MTERF4: variants seen among roughly 807,000 people sequenced by gnomAD.
MTERF4 encodes the protein transcription termination factor 4, mitochondrial.
In MTERF4, 17 loss-of-function variants were observed where a neutral mutation model predicts 22.5. The observed-to-expected ratio is 0.75, with a 90% CI of 0.52 to 1.13. MTERF4 has a LOEUF of 1.13. Ranked by LOEUF, MTERF4 falls within the 50% of genes most tolerant of loss-of-function variation. MTERF4 has a pLI of 0.00. For missense variants in MTERF4, 420 were observed against 466.8 expected (o/e 0.90, Z 0.92); for synonymous variants, 165 against 175.3 (o/e 0.94, Z 0.47).
chr2:241,071,939 C>T, downstream of MTERF4: 1 of 1,337,882 alleles, frequency 7.5e-7, no homozygotes, highest in Non-Finnish European at 1.1e-6. Context: ...CTGCCACTCT[C>T]ACCAGGTCCT....
intron 3 of MTERF4, chr2:241,097,004 A>C: frequency 1.7e-6 from 1 of 596,464 alleles, no homozygotes; most frequent in Middle Eastern, 4.3e-4. Flanking sequence ...AAAGAAATTA[A>C]AGATTTCTCT....
chr2:241,069,009 C>T (rs776683595), downstream of MTERF4: 171 of 1,551,408 alleles, frequency 1.1e-4, no homozygotes, highest in Middle Eastern at 3.3e-4. The surrounding 1 kb of genome is among the most constrained non-coding windows in gnomAD (Gnocchi z 4.9). Flanking sequence ...ACCGCGCCGA[C>T]GCACGTGTGG....
chr2:241,082,379 G>A, downstream of MTERF4: 1 of 1,598,494 alleles, frequency 6.3e-7, no homozygotes, highest in Non-Finnish European at 8.6e-7. Context: ...GTTGGTTTCT[G>A]TCCTCCGCCT....
chr2:241,079,062 C>T (rs1478102205), intron 4 of MTERF4, among the ~76,000 whole-genome samples: 13 of 142,616 alleles, frequency 9.1e-5, no homozygotes, highest in Middle Eastern at 3.8e-3. Flanking sequence ...TGCAGCGAGC[C>T]GAGATCGCAC....
At chr2:241,100,296 G>C (rs573695853) in intron 1 of MTERF4, among the ~76,000 whole-genome samples, 1 of 152,100 alleles carries the variant, frequency 6.6e-6, no homozygotes, top group African/African-American at 2.4e-5. Flanking sequence ...GTTGGCCCTT[G>C]AACAACAAGG....
chr2:241,053,394 G>A, the MTERF4 span: 2 of 1,465,344 alleles, frequency 1.4e-6, no homozygotes, highest in East Asian at 2.3e-5. Flanking sequence ...CCATGTGGAG[G>A]AGCACAGGGG....
At chr2:241,060,186 A>C in the MTERF4 span, among the ~76,000 whole-genome samples, 1 of 149,028 alleles carries the variant, frequency 6.7e-6, no homozygotes, top group South Asian at 2.1e-4. Context: ...AAAACTATAA[A>C]CTTTTTTTTT....
At chr2:241,061,272 T>C in the MTERF4 span, among the ~76,000 whole-genome samples, 3 of 152,138 alleles carry the variant, frequency 2.0e-5, no homozygotes, top group African/African-American at 7.2e-5. Flanking sequence ...AAAAGAAATA[T>C]TCTATTTCAT....
downstream of MTERF4, chr2:241,071,790 CTG>C (rs768574701): frequency 6.9e-6 from 11 of 1,589,930 alleles, no homozygotes; most frequent in African/African-American, 1.3e-4. Context: ...CCCACCCTCT[CTG>C]CAGGTTCTCG....
At position 241,076,017 on chromosome 2, in the gene MTERF4, G is replaced by T. The variant is rs139463599; in HGVS notation, n.480-335C>A. Reference sequence around the variant, plus strand: ...CTGGCGGCGTCAATTTGATACATCTGTGCCAATACTGCCCTGTGTTCACTC... The same window carrying T: ...CTGGCGGCGTCAATTTGATACATCTTTGCCAATACTGCCCTGTGTTCACTC... On this transcript the variant is annotated intron_variant and non_coding_transcript_variant, in intron 4 of 4. Coordinates refer to the MTERF4 transcript ENST00000464344. 7.9e-5 allele frequency among the ~76,000 whole-genome samples: 12 copies of T among 152,312 alleles called. No individual in the cohort carries two copies. In the East Asian group the frequency reaches 2.3e-3, roughly 29 times the overall value.
At chr2:241,091,975 TGTCA>T (rs889456286), downstream of MTERF4, 1 of 152,284 alleles carries the variant, frequency 6.6e-6, no homozygotes, top group African/African-American at 2.4e-5. The surrounding 1 kb of genome is among the most constrained non-coding windows in gnomAD (Gnocchi z 4.1). Flanking sequence ...TCAGTGAGGC[TGTCA>T]GTCAGCCACG....
At chr2:241,069,827 GC>G, downstream of MTERF4, 1 of 1,428,472 alleles carries the variant, frequency 7.0e-7, no homozygotes. The surrounding 1 kb of genome is among the most constrained non-coding windows in gnomAD (Gnocchi z 4.9). Context: ...TTCCAGCAAG[GC>G]TGCGGCAGCC....
chr2:241,082,219 G>T, downstream of MTERF4: 1 of 1,421,276 alleles, frequency 7.0e-7, no homozygotes, highest in South Asian at 1.2e-5. Flanking sequence ...GGCCTCTCAA[G>T]AGGGGCAGGA....
the MTERF4 span, among the ~76,000 whole-genome samples, chr2:241,061,280 C>T: frequency 6.6e-6 from 1 of 152,236 alleles, no homozygotes; most frequent in East Asian, 1.9e-4. Context: ...TATTCTATTT[C>T]ATTAGTAATC....
chr2:241,048,615 T>C, the MTERF4 span: 1 of 1,546,704 alleles, frequency 6.5e-7, no homozygotes, highest in Non-Finnish European at 8.8e-7. Context: ...GAGGGTGCCA[T>C]CTTTCTGCGC....
downstream of MTERF4, chr2:241,093,347 A>G (rs3815292): frequency 0.087 from 13,262 of 152,762 alleles, 685 homozygotes; most frequent in African/African-American, 0.14. Context: ...AGATCGAGTG[A>G]TATCACTGGA....
the MTERF4 span, chr2:241,049,741 A>G: frequency 9.2e-7 from 1 of 1,085,444 alleles, no homozygotes; most frequent in East Asian, 2.4e-5. Flanking sequence ...CTGGCAGGCA[A>G]GGTGCCCGCC....
Position 241,099,800 on chromosome 2 carries a change from A to C in MTERF4, c.116T>G (p.Leu39Trp), listed in dbSNP as rs781478042. 2 of 1,614,054 alleles carry C rather than the reference A, an allele frequency of 1.2e-6. No individual in the cohort carries two copies. Among genetic ancestry groups the C allele is most frequent in the African/African-American group, 2.7e-5 (2 of 74,938 alleles). ...GGAGGCTGTAGTCAGTTTGCGCAAC[A>C]AAGAAGCTGTCGTCCTTCTCTGTTC... ...LGEQRRTTASLLRKLTTASNG... is the reference protein window; with the variant it reads ...LGEQRRTTASWLRKLTTASNG... Residue 39 changes from leucine (L) to tryptophan (W), a missense_variant, in exon 2 of 4, where the codon TTG becomes TGG. Transcript: ENST00000391980.
chr2:241,059,180 T>G, the MTERF4 span, among the ~76,000 whole-genome samples: 8 of 152,264 alleles, frequency 5.3e-5, no homozygotes, highest in South Asian at 8.3e-4. Context: ...AAAGACAAAT[T>G]ACCAGAACTG....
Sources: allele counts gnomAD v4.1 joint callset (sites outside exome capture counted in the v4.1 genomes callset), GRCh38; gene constraint gnomAD v4.1.1; non-coding constraint Gnocchi (gnomAD v3.1); transcripts MANE v1.5; gene names NCBI Gene and HGNC (gene_info 2026-07-23, HGNC 2026-07-21).